The following CRIM1 variants were observed in gnomAD, a reference collection of about 807,000 sequenced individuals.
CRIM1 encodes the protein cysteine-rich motor neuron 1 protein.
In CRIM1, 32 loss-of-function variants were observed where a neutral mutation model predicts 116.4. The observed-to-expected ratio is 0.27, with a 90% CI of 0.21 to 0.37. CRIM1 has a LOEUF of 0.37. CRIM1 is among the 10% of genes least tolerant of loss of function. The pLI, the probability that CRIM1 is intolerant of heterozygous loss-of-function variation, is 1.00. For synonymous variants in CRIM1, 590 were observed against 509.2 expected (o/e 1.16, Z -2.13); for missense variants, 1,331 against 1,354.8 (o/e 0.98, Z 0.28).
intron 14 of CRIM1, among the ~76,000 whole-genome samples, chr2:36,540,035 G>T (rs535054038): frequency 6.6e-6 from 1 of 152,252 alleles, no homozygotes; most frequent in African/African-American, 2.4e-5. Context: ...GACTGAGCAG[G>T]TGCAGAGGGC....
At chr2:36,464,976 G>T (rs1258312325) in intron 5 of CRIM1, among the ~76,000 whole-genome samples, 1 of 152,164 alleles carries the variant, frequency 6.6e-6, no homozygotes, top group Non-Finnish European at 1.5e-5. Flanking sequence ...GAGTTTTCCT[G>T]CTGTCACTCA....
At chr2:36,460,188 T>C (rs1677471219) in intron 4 of CRIM1, among the ~76,000 whole-genome samples, 1 of 152,132 alleles carries the variant, frequency 6.6e-6, no homozygotes, top group South Asian at 2.1e-4. Flanking sequence ...GGTACCTCGA[T>C]TGATCATTAT....
intron 14 of CRIM1, among the ~76,000 whole-genome samples, chr2:36,540,169 ACT>A (rs368713861): frequency 2.0e-4 from 30 of 152,266 alleles, no homozygotes; most frequent in African/African-American, 7.0e-4. Context: ...ATCAAGCGCC[ACT>A]GTTAGCCACG....
At chr2:36,545,432 C>G (rs896714224) in intron 15 of CRIM1, among the ~76,000 whole-genome samples, 7 of 152,178 alleles carry the variant, frequency 4.6e-5, no homozygotes, top group African/African-American at 1.7e-4. Context: ...TAGACTTCAA[C>G]ATACTGTAAG....
chr2:36,381,103 T>C (rs776446330), intron 1 of CRIM1, among the ~76,000 whole-genome samples: 19 of 152,068 alleles, frequency 1.2e-4, no homozygotes, highest in Non-Finnish European at 1.5e-5. Context: ...GCCCGCCTTC[T>C]TGCCCCCGCC....
intron 4 of CRIM1, among the ~76,000 whole-genome samples, chr2:36,453,361 C>G (rs1248663545): frequency 6.6e-6 from 1 of 152,142 alleles, no homozygotes; most frequent in Non-Finnish European, 1.5e-5. Flanking sequence ...TGTCATGGCT[C>G]TTATGATAAT....
At chr2:36,369,208 A>G (rs1039967871) in intron 1 of CRIM1, 2 of 152,234 alleles carry the variant, frequency 1.3e-5, no homozygotes, top group Non-Finnish European at 2.9e-5. Flanking sequence ...GCAGCCCATG[A>G]GTGCATGTGT....
intron 4 of CRIM1, among the ~76,000 whole-genome samples, chr2:36,461,205 T>C (rs149131352): frequency 6.6e-6 from 1 of 151,840 alleles, no homozygotes; most frequent in African/African-American, 2.4e-5. Flanking sequence ...CAGGGGGAGA[T>C]TGGACTAGAA....
intron 13 of CRIM1, among the ~76,000 whole-genome samples, chr2:36,536,161 G>A (rs976300309): frequency 2.0e-5 from 3 of 152,190 alleles, no homozygotes; most frequent in South Asian, 2.1e-4. Context: ...CAGAGCACTC[G>A]CTGCAAAGCT....
intron 9 of CRIM1, among the ~76,000 whole-genome samples, chr2:36,510,632 T>G (rs1664601546): frequency 6.6e-6 from 1 of 152,238 alleles, no homozygotes; most frequent in Non-Finnish European, 1.5e-5. Flanking sequence ...ATTTTTTTCT[T>G]TATCTAGCGT....
chr2:36,489,015 A>T (rs146874175), intron 7 of CRIM1, among the ~76,000 whole-genome samples: 2 of 152,180 alleles, frequency 1.3e-5, no homozygotes, highest in Non-Finnish European at 2.9e-5. Context: ...ACTGCAGCTT[A>T]TTCTTTTCTA....
Position 36,495,478 on chromosome 2 carries a change from T to TATTTA in CRIM1, c.1373-3741_1373-3740insATTTA, listed in dbSNP as rs879292433. Among the ~76,000 whole-genome samples, 3 of 126,490 alleles carry TATTTA rather than the reference T, an allele frequency of 2.4e-5. No individual in the cohort carries two copies. In the South Asian group the frequency reaches 7.6e-4, roughly 32 times the overall value. The allele number at this position is 126,490 out of a possible 152,430, so 83.0% of individuals were successfully genotyped here. On this transcript the variant is annotated intron_variant, in intron 7 of 16. Coordinates refer to ENST00000280527, the MANE Select transcript of CRIM1 (RefSeq NM_016441.3). ...AAGCCTCTTTATTTATTTATTTATTTTTTTTTTTTTTTTTTTTTGGATGAG... is the reference window on the plus strand; with the variant it reads ...AAGCCTCTTTATTTATTTATTTATTTATTTATTTTTTTTTTTTTTTTTTGGATGAG...
At chr2:36,403,528 AG>A (rs1315019169) in intron 2 of CRIM1, among the ~76,000 whole-genome samples, 1 of 152,140 alleles carries the variant, frequency 6.6e-6, no homozygotes, top group African/African-American at 2.4e-5. Context: ...GCTCAGCAGA[AG>A]GGAAGGAGAG....
chr2:36,533,425 C>CAAAA (rs35978594), intron 13 of CRIM1, among the ~76,000 whole-genome samples: 2,787 of 99,306 alleles, frequency 0.028, 45 homozygotes, highest in South Asian at 0.06. Flanking sequence ...CCCATCTCCA[C>CAAAA]AAAAAAAAAA....
At chr2:36,501,911 C>T (rs146218959) in intron 8 of CRIM1, among the ~76,000 whole-genome samples, 139 of 152,298 alleles carry the variant, frequency 9.1e-4, no homozygotes, top group African/African-American at 3.2e-3. Context: ...GTTGCCTTGG[C>T]AGCCCAAGTT....
chr2:36,356,716 G>A lies in CRIM1; in HGVS notation c.331+93G>A, dbSNP rs1388123486. ...AACAAAGTTTGGGCGAGACTTTCTG[G>A]AGGAAAGAGGGCTCTGCGGGAAGAG... On this transcript the variant is annotated intron_variant, in intron 1 of 16. Coordinates refer to ENST00000280527, the MANE Select transcript of CRIM1 (RefSeq NM_016441.3). The surrounding 1 kb of genome is among the most constrained non-coding windows in gnomAD (Gnocchi z 4.3). The A allele has an allele frequency of 1.6e-6, 2 of 1,263,564 alleles. No individual in the cohort carries two copies. The highest frequency in any genetic ancestry group is 1.4e-5 in the South Asian group (1 of 69,222). The allele number at this position is 1,263,564 out of a possible 1,614,324, so 78.3% of individuals were successfully genotyped here. A position where few individuals can be genotyped will look rare whatever the true frequency, so the allele number is the denominator to read the frequency against.
chr2:36,420,745 C>T (rs924847276), intron 2 of CRIM1, among the ~76,000 whole-genome samples: 1 of 152,138 alleles, frequency 6.6e-6, no homozygotes, highest in African/African-American at 2.4e-5. Context: ...AGAGCACAGT[C>T]GACACTGCAA....
chr2:36,449,169 A>G (rs1344449159), intron 4 of CRIM1, among the ~76,000 whole-genome samples: 2 of 152,208 alleles, frequency 1.3e-5, no homozygotes, highest in Admixed American at 1.3e-4. Context: ...AATTCTAAGT[A>G]CAATTTCACT....
At chr2:36,372,517 C>G (rs1670010605) in intron 1 of CRIM1, among the ~76,000 whole-genome samples, 1 of 152,172 alleles carries the variant, frequency 6.6e-6, no homozygotes, top group African/African-American at 2.4e-5. Context: ...TGGTGCTAAG[C>G]TTTTCAGCTG....
Sources: allele counts gnomAD v4.1 joint callset (sites outside exome capture counted in the v4.1 genomes callset), GRCh38; gene constraint gnomAD v4.1.1; non-coding constraint Gnocchi (gnomAD v3.1); transcripts MANE v1.5; gene names NCBI Gene and HGNC (gene_info 2026-07-23, HGNC 2026-07-21).